The following GSDMC variants were observed in gnomAD, a reference collection of about 807,000 sequenced individuals.
The protein encoded by GSDMC is gasdermin C, also known as gasdermin-C.
In GSDMC, 59 loss-of-function variants were observed where a neutral mutation model predicts 58.0. The ratio of observed to expected loss-of-function variants is 1.02; its 90% CI spans 0.82 to 1.26. The LOEUF (loss-of-function observed/expected upper bound fraction) is 1.26, where lower values mean the gene tolerates loss of function less well. Ranked by LOEUF, GSDMC falls within the 50% of genes most tolerant of loss-of-function variation. The pLI is 0.00. For synonymous variants in GSDMC, 241 were observed against 220.2 expected (o/e 1.09, Z -0.83); for missense variants, 659 against 598.5 (o/e 1.10, Z -1.06).
At chr8:129,752,618 T>G in intron 7 of GSDMC, 80 bp downstream of exon 7, 1 of 1,558,476 alleles carries the variant, frequency 6.4e-7, no homozygotes, top group Non-Finnish European at 8.7e-7. Flanking sequence ...ACACCCCACA[T>G]AAACACCAAA....
At chr8:129,750,621 A>T (rs771278136) in intron 10 of GSDMC, 51 bp from the exon 11 acceptor site, 2 of 1,583,014 alleles carry the variant, frequency 1.3e-6, no homozygotes, top group South Asian at 2.3e-5. Context: ...GTCTTTGATT[A>T]GAACATCCTT....
chr8:129,710,431 C>T, the GSDMC span, among the ~76,000 whole-genome samples: 1 of 152,182 alleles, frequency 6.6e-6, no homozygotes, highest in African/African-American at 2.4e-5. Context: ...GGTGTGTTCA[C>T]ATGGTCGTCA....
rs1457801109 is a variant in GSDMC at position 129,751,866 on chromosome 8, T to C, written c.912A>G (p.Pro304=). ...LPKYEQVHIL[P]VGRIEEPFWQ... Reference sequence around the variant, plus strand: ...CTCCAGCAAACTCACACTCACCTACTGGGAGGATGTGAACTTGTTCGTATT... The same window carrying C: ...CTCCAGCAAACTCACACTCACCTACCGGGAGGATGTGAACTTGTTCGTATT... The change falls in exon 9 of 14, where the codon CCA becomes CCG. Residue 304 remains proline (P), a synonymous_variant. Transcript: ENST00000276708. 6 of 1,136,176 alleles carry C rather than the reference T, an allele frequency of 5.3e-6. No individual in the cohort carries two copies. The highest frequency in any genetic ancestry group is 1.2e-5 in the South Asian group (1 of 82,384). The allele number at this position is 1,136,176 out of a possible 1,614,324, so 70.4% of individuals were successfully genotyped here. A position where few individuals can be genotyped will look rare whatever the true frequency, so the allele number is the denominator to read the frequency against.
intron 1 of GSDMC, among the ~76,000 whole-genome samples, chr8:129,777,998 G>A (rs2034295150): frequency 6.6e-6 from 1 of 152,094 alleles, no homozygotes; most frequent in Non-Finnish European, 1.5e-5. Flanking sequence ...CTCTAACCCA[G>A]GGATACTGTA....
intron 1 of GSDMC, among the ~76,000 whole-genome samples, chr8:129,782,485 GA>G (rs1299550321): frequency 1.3e-5 from 2 of 152,020 alleles, no homozygotes; most frequent in Non-Finnish European, 2.9e-5. Flanking sequence ...AGAAAAAAGA[GA>G]GAAGGCCCAA....
chr8:129,729,020 T>C, the GSDMC span: 2 of 651,994 alleles, frequency 3.1e-6, no homozygotes, highest in Non-Finnish European at 5.9e-6. Context: ...AGGATGAAAA[T>C]TTAAGGAAAT....
In GSDMC at chr8:129,750,589, G is replaced by A. The variant is rs1586574381; in HGVS notation, c.944-19C>T. 2.5e-6 allele frequency: 4 copies of A among 1,611,116 alleles called. No homozygotes were observed. Among genetic ancestry groups the A allele is most frequent in the African/African-American group, 1.3e-5 (1 of 74,882 alleles). On this transcript the variant is annotated intron_variant, in intron 10 of 13. Transcript: ENST00000276708. ...TTGAAATCTGCTCTCAGGCATCAAC[G>A]CCGACCAGAAAGTGGGGACAAGTCT... is the stretch of plus-strand genomic sequence containing the variant.
the GSDMC span, among the ~76,000 whole-genome samples, chr8:129,719,261 A>G: frequency 1.3e-5 from 2 of 152,344 alleles, no homozygotes; most frequent in South Asian, 2.1e-4. Flanking sequence ...AGAAGACACA[A>G]TATTACCACA....
At chr8:129,783,446 C>A (rs1030158418) in intron 1 of GSDMC, among the ~76,000 whole-genome samples, 2 of 152,058 alleles carry the variant, frequency 1.3e-5, no homozygotes, top group African/African-American at 4.8e-5. Context: ...TATATGCCAA[C>A]AGAGAAGAAT....
chr8:129,729,922 T>G, the GSDMC span: 90 of 1,405,672 alleles, frequency 6.4e-5, no homozygotes, highest in Non-Finnish European at 8.5e-5. Context: ...CCAAAAGATT[T>G]GAGAATCAAC....
the GSDMC span, among the ~76,000 whole-genome samples, chr8:129,712,301 C>T: frequency 4.6e-5 from 7 of 152,188 alleles, no homozygotes; most frequent in South Asian, 1.0e-3. Flanking sequence ...TGATTAGCAG[C>T]AGTTAGATGA....
chr8:129,768,311 C>T (rs2033935560), intron 3 of GSDMC, among the ~76,000 whole-genome samples: 1 of 152,068 alleles, frequency 6.6e-6, no homozygotes, highest in African/African-American at 2.4e-5. Context: ...AAAAGAAATG[C>T]AAGATACAAG....
intron 6 of GSDMC, among the ~76,000 whole-genome samples, chr8:129,757,374 A>T (rs2033481922): frequency 6.6e-6 from 1 of 152,138 alleles, no homozygotes; most frequent in Admixed American, 6.5e-5. Context: ...ACCTGAACAG[A>T]TCAGTAATGA....
At chr8:129,733,183 C>T in the GSDMC span, among the ~76,000 whole-genome samples, 2 of 152,140 alleles carry the variant, frequency 1.3e-5, no homozygotes, top group Non-Finnish European at 2.9e-5. Context: ...GCAGAGCCCA[C>T]CACAGTTCAG....
the GSDMC span, chr8:129,729,850 T>C: frequency 1.1e-5 from 9 of 799,106 alleles, no homozygotes; most frequent in Non-Finnish European, 1.9e-5. Flanking sequence ...GCTGCATCCA[T>C]GCTAGCACCA....
At chr8:129,768,142 C>A (rs1333150898) in intron 3 of GSDMC, among the ~76,000 whole-genome samples, 3 of 152,194 alleles carry the variant, frequency 2.0e-5, no homozygotes, top group African/African-American at 4.8e-5. Flanking sequence ...CGGGCAGTGG[C>A]CGCATCAACT....
At chr8:129,712,211 T>C in the GSDMC span, among the ~76,000 whole-genome samples, 1 of 152,256 alleles carries the variant, frequency 6.6e-6, no homozygotes, top group Non-Finnish European at 1.5e-5. Context: ...GTAGTACTTA[T>C]TCAATACGTG....
the GSDMC span, among the ~76,000 whole-genome samples, chr8:129,714,079 C>A: frequency 1.3e-5 from 2 of 152,316 alleles, no homozygotes; most frequent in South Asian, 4.1e-4. Context: ...ACCCGGGATG[C>A]TGCAGACAGG....
the GSDMC span, among the ~76,000 whole-genome samples, chr8:129,736,934 C>A: frequency 6.6e-6 from 1 of 152,210 alleles, no homozygotes; most frequent in Non-Finnish European, 1.5e-5. Context: ...TAAGCAACTT[C>A]AGCAAAGTCT....
Sources: gnomAD v4.1 joint callset for allele counts (sites outside exome capture counted in the v4.1 genomes callset) on GRCh38, gnomAD v4.1.1 for gene constraint, MANE v1.5 for transcripts, NCBI Gene and HGNC (gene_info 2026-07-23, HGNC 2026-07-21) for gene names.